Variants in CELF4 observed in about 807,000 individuals in gnomAD.
CELF4 encodes CUGBP Elav-like family member 4, also known as CUG-BP- and ETR-3-like factor 4.
In CELF4, 18 loss-of-function variants were observed where a neutral mutation model predicts 59.9. The ratio of observed to expected loss-of-function variants is 0.30; its 90% CI spans 0.21 to 0.45. The LOEUF (loss-of-function observed/expected upper bound fraction) is 0.45, where lower values mean the gene tolerates loss of function less well. CELF4 is among the 20% of genes least tolerant of loss of function. The probability of loss-of-function intolerance (pLI) is 1.00; values close to 1 mark genes in which losing one functional copy is unlikely to be tolerated. For missense variants in CELF4, 456 were observed against 689.0 expected, an observed-to-expected ratio of 0.66 and a Z score of 3.79; for synonymous variants, 261 against 267.1, an observed-to-expected ratio of 0.98 and a Z score of 0.22.
chr18:37,254,146 G>C lies in CELF4; in HGVS notation c.1334-208C>G, dbSNP rs1481396047. 6.6e-6 allele frequency among the ~76,000 whole-genome samples: 1 copy of C among 150,580 alleles called. No homozygotes were observed. Among genetic ancestry groups the C allele is most frequent in the African/African-American group, 2.4e-5 (1 of 41,212 alleles). On this transcript the variant is annotated intron_variant, in intron 11 of 12. Transcript: ENST00000420428. The surrounding 1 kb of genome is among the most constrained non-coding windows in gnomAD (Gnocchi z 5.1). ...GGGGGCAGGCGCTGGCGGGGACCCG[G>C]CTCGCTGACCTGCGCCTAGTCTCTG...
chr18:37,321,902 A>G, intron 2 of CELF4, 21 bp from the exon 3 acceptor site: 1 of 1,605,032 alleles, frequency 6.2e-7, no homozygotes, highest in Non-Finnish European at 8.5e-7. Flanking sequence ...GCAGAGGGGG[A>G]CAGCATTATA....
chr18:37,535,731 C>G (rs989825417), intron 1 of CELF4, among the ~76,000 whole-genome samples: 2 of 152,186 alleles, frequency 1.3e-5, no homozygotes, highest in African/African-American at 4.8e-5. Flanking sequence ...GGGGCGGCCA[C>G]CAGGAGGCCA....
intron 1 of CELF4, among the ~76,000 whole-genome samples, chr18:37,546,559 T>G (rs926214732): frequency 2.6e-5 from 4 of 152,122 alleles, no homozygotes; most frequent in Non-Finnish European, 4.4e-5. Context: ...CTCTGCCAGA[T>G]AGCAAGTCCC....
chr18:37,284,214 T>C (rs1050171031), intron 3 of CELF4, among the ~76,000 whole-genome samples: 1 of 147,518 alleles, frequency 6.8e-6, no homozygotes, highest in Non-Finnish European at 1.5e-5. Context: ...CACACCAACA[T>C]ACACACACAG....
chr18:37,303,974 C>T (rs1314001695), intron 3 of CELF4, among the ~76,000 whole-genome samples: 1 of 152,234 alleles, frequency 6.6e-6, no homozygotes, highest in Non-Finnish European at 1.5e-5. Context: ...TGGTAAGTGC[C>T]AGACACCTGC....
intron 2 of CELF4, among the ~76,000 whole-genome samples, chr18:37,393,175 G>T (rs2099187317): frequency 6.6e-6 from 1 of 152,158 alleles, no homozygotes; most frequent in African/African-American, 2.4e-5. Context: ...GAGATGGCTT[G>T]GTTCCTCTCG....
intron 1 of CELF4, among the ~76,000 whole-genome samples, chr18:37,551,685 A>G (rs2099983215): frequency 6.6e-6 from 1 of 152,146 alleles, no homozygotes; most frequent in Admixed American, 6.5e-5. Flanking sequence ...GTGACAGCAA[A>G]CATGGCCACG....
chr18:37,385,263 T>A (rs7230174), intron 2 of CELF4, among the ~76,000 whole-genome samples: 1 of 147,284 alleles, frequency 6.8e-6, no homozygotes, highest in African/African-American at 2.5e-5. Context: ...CAGGAGAATC[T>A]CGAATCGCTT....
chr18:37,562,935 G>A (rs2099986998), intron 1 of CELF4, among the ~76,000 whole-genome samples: 1 of 152,146 alleles, frequency 6.6e-6, no homozygotes, highest in African/African-American at 2.4e-5. Context: ...GCGACAACGA[G>A]GAACCCAGTA....
intron 2 of CELF4, among the ~76,000 whole-genome samples, chr18:37,328,531 C>T (rs945703504): frequency 2.0e-5 from 3 of 152,182 alleles, no homozygotes; most frequent in Non-Finnish European, 4.4e-5. Context: ...GGAGGAATAC[C>T]CCTGGAGACA....
intron 2 of CELF4, among the ~76,000 whole-genome samples, chr18:37,479,563 A>T (rs28461888): frequency 0.35 from 52,585 of 151,900 alleles, 9,696 homozygotes; most frequent in East Asian, 0.59. Context: ...CTTTTCAGGG[A>T]ATATGAGAAA....
At chr18:37,322,030 C>T (rs981867410) in intron 2 of CELF4, 149 bp from the exon 3 acceptor site, 2 of 568,360 alleles carry the variant, frequency 3.5e-6, no homozygotes, top group South Asian at 2.9e-5. Flanking sequence ...GCACACACAC[C>T]TTCACCAAAG....
intron 1 of CELF4, among the ~76,000 whole-genome samples, chr18:37,495,498 ACCT>A (rs2099924158): frequency 6.6e-6 from 1 of 151,358 alleles, no homozygotes; most frequent in Admixed American, 6.6e-5. Flanking sequence ...TGACACCCTG[ACCT>A]CCTCAGCACA....
intron 7 of CELF4, among the ~76,000 whole-genome samples, chr18:37,272,495 C>T (rs772379273): frequency 2.7e-5 from 4 of 147,244 alleles, no homozygotes; most frequent in Non-Finnish European, 6.0e-5. Flanking sequence ...CCCTTGATAA[C>T]TCTTGTGGTT....
chr18:37,564,603 AT>A (rs1053928202), intron 1 of CELF4, among the ~76,000 whole-genome samples: 8 of 151,834 alleles, frequency 5.3e-5, no homozygotes, highest in Non-Finnish European at 8.8e-5. Flanking sequence ...GCACACACAT[AT>A]TTTTTTCCCA....
intron 2 of CELF4, among the ~76,000 whole-genome samples, chr18:37,478,479 C>T (rs1603642195): frequency 6.6e-6 from 1 of 152,314 alleles, no homozygotes; most frequent in East Asian, 1.9e-4. Context: ...GTCGTGGGGG[C>T]CACTGAGAAG....
intron 10 of CELF4, among the ~76,000 whole-genome samples, chr18:37,263,384 A>G (rs1022432518): frequency 1.3e-5 from 2 of 152,066 alleles, no homozygotes; most frequent in African/African-American, 4.8e-5. Flanking sequence ...ACTAACCTAC[A>G]TCGGAGGGCT....
At chr18:37,417,141 C>T (rs909502618) in intron 2 of CELF4, among the ~76,000 whole-genome samples, 2 of 152,218 alleles carry the variant, frequency 1.3e-5, no homozygotes, top group Non-Finnish European at 2.9e-5. Context: ...GGCATCCTGA[C>T]AGGCCTGCAC....
chr18:37,397,252 C>T (rs1303188427), intron 2 of CELF4, among the ~76,000 whole-genome samples: 2 of 151,770 alleles, frequency 1.3e-5, no homozygotes, highest in East Asian at 3.9e-4. Context: ...GCCCCTCACC[C>T]TCCATTTAAA....
Sources: allele counts gnomAD v4.1 joint callset (sites outside exome capture counted in the v4.1 genomes callset), GRCh38; gene constraint gnomAD v4.1.1; non-coding constraint Gnocchi (gnomAD v3.1); transcripts MANE v1.5; gene names NCBI Gene and HGNC (gene_info 2026-07-23, HGNC 2026-07-21).